The following XYLT1 variants were observed in gnomAD, a reference collection of about 807,000 sequenced individuals.
XYLT1 encodes the protein beta-D-xylosyltransferase 1.
A neutral mutation model predicts 91.3 loss-of-function variants in XYLT1; 36 were observed. The observed-to-expected ratio is 0.39, with a 90% CI of 0.30 to 0.52. The LOEUF (loss-of-function observed/expected upper bound fraction) is 0.52, where lower values mean the gene tolerates loss of function less well. Ranked by LOEUF, XYLT1 falls within the 20% of genes least tolerant of loss-of-function variation. The probability of loss-of-function intolerance (pLI) is 0.68; values close to 1 mark genes in which losing one functional copy is unlikely to be tolerated. For missense variants in XYLT1, 1,242 were observed against 1,284.5 expected, an observed-to-expected ratio of 0.97 and a Z score of 0.51; for synonymous variants, 588 against 532.0, an observed-to-expected ratio of 1.11 and a Z score of -1.45.
intron 11 of XYLT1, among the ~76,000 whole-genome samples, chr16:17,116,387 ATTG>A (rs1286931682): frequency 1.8e-4 from 27 of 152,196 alleles, no homozygotes; most frequent in African/African-American, 5.5e-4. Context: ...GAAATAAGAT[ATTG>A]TTGACTTTGC....
intron 2 of XYLT1, among the ~76,000 whole-genome samples, chr16:17,292,187 T>C (rs1349026178): frequency 2.0e-5 from 3 of 152,078 alleles, no homozygotes; most frequent in African/African-American, 2.4e-5. Context: ...ATATACATGA[T>C]GGGAAATTCA....
In XYLT1 at chr16:17,117,668, C is replaced by G. The variant is rs746392043; in HGVS notation, c.2535G>C (p.Ser845=). 2.5e-6 allele frequency: 4 copies of G among 1,612,078 alleles called. No homozygotes were observed. Among genetic ancestry groups the G allele is most frequent in the Middle Eastern group, 3.3e-4 (2 of 6,076 alleles). Residue 845 remains serine (S), a synonymous_variant, in exon 11 of 12, where the codon TCG becomes TCC. Coordinates refer to ENST00000261381, the MANE Select transcript of XYLT1 (RefSeq NM_022166.4). The part of the protein sequence containing the change: ...TKFLVAPLTF[S]NRQPIKPEEA... ...TACCAGGTTTGATGGGCTGCCTGTT[C>G]GAGAAGGTCAGAGGCGCAACGAGGA...
chr16:17,198,369 A>G lies in XYLT1; in HGVS notation c.1132T>C (p.Tyr378His), dbSNP rs932168222. The part of the protein sequence containing the change: ...HRQVLQVSRQ[Y>H]SNVRVTPWRM... ...CAGGGGGTGACGCGGACATTGCTGTACTGCCTGGAGACCTGGAGCACTTGC... is the reference window on the plus strand; with the variant it reads ...CAGGGGGTGACGCGGACATTGCTGTGCTGCCTGGAGACCTGGAGCACTTGC... Residue 378 changes from tyrosine to histidine, a missense_variant, in exon 5 of 12, where the codon TAC becomes CAC. Physicochemically the swap from Tyr to His is moderately conservative, Grantham distance 83 (BLOSUM62 2). Around this residue, in one of 3 missense-constraint regions of XYLT1, gnomAD observed 294 missense variants for 376.0 expected, o/e 0.78. Coordinates refer to ENST00000261381, the MANE Select transcript of XYLT1 (RefSeq NM_022166.4). The G allele has an allele frequency of 2.5e-6, 4 of 1,614,036 alleles. No individual in the cohort carries two copies. The African/African-American group carries it at 5.3e-5, about 22-fold the overall frequency.
chr16:17,226,751 C>G (rs1476921370), intron 3 of XYLT1, among the ~76,000 whole-genome samples: 1 of 152,172 alleles, frequency 6.6e-6, no homozygotes, highest in Non-Finnish European at 1.5e-5. Flanking sequence ...CCACTGTACT[C>G]CAGCCTGGAT....
intron 2 of XYLT1, among the ~76,000 whole-genome samples, chr16:17,259,877 A>C (rs1567345822): frequency 1.3e-5 from 2 of 152,166 alleles, no homozygotes; most frequent in African/African-American, 4.8e-5. Flanking sequence ...TGGTTTACTT[A>C]AGGGCTGGAA....
chr16:17,443,751 G>A (rs961264764), intron 1 of XYLT1, among the ~76,000 whole-genome samples: 1 of 152,052 alleles, frequency 6.6e-6, no homozygotes, highest in African/African-American at 2.4e-5. Context: ...AGCAGGAGTG[G>A]GACATTATAT....
At chr16:17,436,089 G>C (rs144302185) in intron 1 of XYLT1, among the ~76,000 whole-genome samples, 25 of 152,200 alleles carry the variant, frequency 1.6e-4, no homozygotes, top group African/African-American at 6.0e-4. Flanking sequence ...TAATAAATGG[G>C]AGTTCCCCTG....
intron 1 of XYLT1, among the ~76,000 whole-genome samples, chr16:17,380,323 A>G (rs1042596433): frequency 6.6e-6 from 1 of 152,180 alleles, no homozygotes; most frequent in African/African-American, 2.4e-5. Context: ...AAAAATAAAA[A>G]GAGGTGGTTG....
chr16:17,210,770 T>C lies in XYLT1; in HGVS notation c.914-10116A>G, dbSNP rs145457422. ...GGATTCACATGCTGCTCACATCGAATGGCATTGAGTCAGGGGGGACTGTGA... is the reference window on the plus strand; with the variant it reads ...GGATTCACATGCTGCTCACATCGAACGGCATTGAGTCAGGGGGGACTGTGA... On this transcript the variant is annotated intron_variant, in intron 3 of 11. Coordinates refer to ENST00000261381, the MANE Select transcript of XYLT1 (RefSeq NM_022166.4). Among the ~76,000 whole-genome samples the C allele has an allele frequency of 9.7e-4, 147 of 152,308 alleles. 1 individual carries two copies. Among genetic ancestry groups the C allele is most frequent in the African/African-American group, 3.5e-3 (144 of 41,574 alleles).
At chr16:17,320,213 C>T (rs191861826) in intron 2 of XYLT1, among the ~76,000 whole-genome samples, 5 of 152,158 alleles carry the variant, frequency 3.3e-5, no homozygotes, top group African/African-American at 4.8e-5. Context: ...AAAAAGGAAC[C>T]GTGCCTGTTT....
chr16:17,129,932 A>G (rs942702845), intron 9 of XYLT1, among the ~76,000 whole-genome samples: 4 of 152,112 alleles, frequency 2.6e-5, no homozygotes, highest in Non-Finnish European at 5.9e-5. Context: ...CTATTTTTCT[A>G]CCTCTGGAAT....
intron 1 of XYLT1, among the ~76,000 whole-genome samples, chr16:17,398,680 T>A (rs1050175212): frequency 6.6e-6 from 1 of 152,098 alleles, no homozygotes; most frequent in Non-Finnish European, 1.5e-5. Flanking sequence ...GAAAGAATGT[T>A]CCATGCCCCT....
intron 1 of XYLT1, among the ~76,000 whole-genome samples, chr16:17,378,605 C>T (rs1358479704): frequency 6.6e-6 from 1 of 152,196 alleles, no homozygotes; most frequent in East Asian, 1.9e-4. Context: ...AAAGCAATAA[C>T]TGCCATTTAT....
chr16:17,115,503 A>G (rs1253868484), intron 11 of XYLT1, among the ~76,000 whole-genome samples: 1 of 149,066 alleles, frequency 6.7e-6, no homozygotes, highest in African/African-American at 2.5e-5. Flanking sequence ...TTTTTGAGAC[A>G]GAACCTCGCT....
intron 5 of XYLT1, among the ~76,000 whole-genome samples, chr16:17,184,388 A>C (rs2141571646): frequency 6.6e-6 from 1 of 152,172 alleles, no homozygotes. Context: ...ATCTGGTGAG[A>C]ATATCAAATT....
intron 1 of XYLT1, among the ~76,000 whole-genome samples, chr16:17,364,450 CAT>C (rs748568712): frequency 7.6e-4 from 116 of 152,258 alleles, no homozygotes; most frequent in Non-Finnish European, 1.5e-3. Flanking sequence ...AAATACTGTA[CAT>C]AGTTACAACC....
At chr16:17,402,335 A>C (rs2035980779) in intron 1 of XYLT1, among the ~76,000 whole-genome samples, 1 of 152,038 alleles carries the variant, frequency 6.6e-6, no homozygotes, top group Non-Finnish European at 1.5e-5. Context: ...AACAAAAAAA[A>C]AAGGGTTTAC....
chr16:17,141,933 G>A (rs897246889), intron 6 of XYLT1, among the ~76,000 whole-genome samples: 6 of 151,858 alleles, frequency 4.0e-5, no homozygotes, highest in Admixed American at 6.5e-5. Context: ...AGACAGGGTC[G>A]TGTTCCGTTG....
intron 5 of XYLT1, among the ~76,000 whole-genome samples, chr16:17,174,087 A>G (rs1052093952): frequency 2.0e-5 from 3 of 152,208 alleles, no homozygotes; most frequent in African/African-American, 7.2e-5. Flanking sequence ...CCAAACCAAG[A>G]CCAACCTCTC....
Sources: allele counts gnomAD v4.1 joint callset (sites outside exome capture counted in the v4.1 genomes callset), GRCh38; gene constraint gnomAD v4.1.1; regional missense constraint gnomAD v4.1.1; transcripts MANE v1.5; gene names NCBI Gene and HGNC (gene_info 2026-07-23, HGNC 2026-07-21).